MACF1: variants seen among roughly 807,000 people sequenced by gnomAD.
The protein encoded by MACF1 is microtubule-actin cross-linking factor 1.
In MACF1, 193 loss-of-function variants were observed where a neutral mutation model predicts 854.8. The ratio of observed to expected loss-of-function variants is 0.23; its 90% CI spans 0.20 to 0.25. MACF1 has a LOEUF of 0.25. MACF1 is among the 10% of genes least tolerant of loss of function. The pLI is 1.00. For missense variants in MACF1, 7,722 were observed against 8,929.1 expected (o/e 0.86, Z 5.45); for synonymous variants, 3,185 against 3,226.7 (o/e 0.99, Z 0.44).
intron 2 of MACF1, among the ~76,000 whole-genome samples, chr1:39,090,811 C>T (rs1261527376): frequency 6.6e-6 from 1 of 152,140 alleles, no homozygotes; most frequent in Non-Finnish European, 1.5e-5. Flanking sequence ...TAGGGCTGCA[C>T]TTGTTCTTTA....
intron 94 of MACF1, chr1:39,464,720 C>T (rs1352201293): frequency 4.7e-6 from 1 of 211,114 alleles, no homozygotes; most frequent in African/African-American, 2.4e-5. Context: ...TCGAGACCAA[C>T]CTGGCCAACA....
At chr1:39,385,318 T>C in intron 56 of MACF1, 116 bp from the exon 57 acceptor site, 1 of 1,129,622 alleles carries the variant, frequency 8.9e-7, no homozygotes, top group Non-Finnish European at 1.3e-6. Flanking sequence ...TCCTCCCACC[T>C]CGGCCTCCCA....
chr1:39,175,585 A>T (rs560893685), intron 2 of MACF1, among the ~76,000 whole-genome samples: 47 of 152,170 alleles, frequency 3.1e-4, no homozygotes, highest in Admixed American at 5.2e-4. Flanking sequence ...TTGCATAGTT[A>T]AATGCAAGTA....
At chr1:39,476,660 A>G (rs1015606688) in intron 97 of MACF1, among the ~76,000 whole-genome samples, 11 of 152,344 alleles carry the variant, frequency 7.2e-5, no homozygotes, top group South Asian at 2.1e-4. Context: ...CATTGGCTAC[A>G]ATGTTTAAAA....
chr1:39,232,756 T>G (rs113044553), intron 2 of MACF1, among the ~76,000 whole-genome samples: 16 of 141,222 alleles, frequency 1.1e-4, no homozygotes, highest in South Asian at 4.4e-4. Flanking sequence ...GTTTTTTTTT[T>G]TTTTTTTTTT....
intron 2 of MACF1, among the ~76,000 whole-genome samples, chr1:39,121,728 G>A (rs1473959983): frequency 2.0e-5 from 3 of 152,200 alleles, no homozygotes; most frequent in Admixed American, 1.3e-4. Context: ...GATTATAGGC[G>A]TGAGCCACCG....
chr1:39,427,818 T>A, intron 62 of MACF1, 143 bp from the exon 63 acceptor site: 1 of 915,110 alleles, frequency 1.1e-6, no homozygotes, highest in African/African-American at 1.7e-5. Flanking sequence ...CAGCTTTTGT[T>A]CCCAATTTTT....
chr1:39,198,715 C>G (rs375905965), intron 2 of MACF1, among the ~76,000 whole-genome samples: 1 of 150,830 alleles, frequency 6.6e-6, no homozygotes, highest in Admixed American at 6.6e-5. Flanking sequence ...GTCACAGCTA[C>G]TGGGGAGGCT....
intron 38 of MACF1, among the ~76,000 whole-genome samples, chr1:39,340,082 C>T (rs1378370578): frequency 6.6e-6 from 1 of 152,148 alleles, no homozygotes; most frequent in Admixed American, 6.5e-5. Flanking sequence ...GTGGAAGAGT[C>T]ATCCGTTCGG....
intron 2 of MACF1, among the ~76,000 whole-genome samples, chr1:39,150,083 G>A (rs1360527508): frequency 2.0e-5 from 3 of 151,830 alleles, no homozygotes; most frequent in African/African-American, 7.3e-5. Flanking sequence ...AAGTGCAGTG[G>A]TGCAGTCTCG....
intron 40 of MACF1, among the ~76,000 whole-genome samples, chr1:39,344,796 G>A (rs1647010195): frequency 6.6e-6 from 1 of 152,126 alleles, no homozygotes; most frequent in African/African-American, 2.4e-5. Flanking sequence ...GAGCCCACTC[G>A]CCCAGCTCCT....
intron 49 of MACF1, 74 bp downstream of exon 49, chr1:39,361,751 G>A (rs373208465): frequency 9.9e-6 from 14 of 1,413,628 alleles, no homozygotes; most frequent in African/African-American, 5.7e-5. Context: ...TTTGCTGAGC[G>A]CATACTACAT....
At chr1:39,339,347 C>T (rs79748141) in intron 38 of MACF1, among the ~76,000 whole-genome samples, 2,021 of 152,254 alleles carry the variant, frequency 0.013, 48 homozygotes, top group African/African-American at 0.044. Flanking sequence ...AAAAGTCTAA[C>T]TGGAGATCTC....
chr1:39,297,134 G>A (rs960577759), intron 20 of MACF1, among the ~76,000 whole-genome samples: 3 of 152,076 alleles, frequency 2.0e-5, no homozygotes, highest in Non-Finnish European at 4.4e-5. Context: ...CACCATGTTA[G>A]CCAAGAAGGT....
intron 1 of MACF1, among the ~76,000 whole-genome samples, chr1:39,214,533 C>G (rs1390904766): frequency 6.6e-6 from 1 of 152,154 alleles, no homozygotes; most frequent in African/African-American, 2.4e-5. Flanking sequence ...CCATTCCTGG[C>G]TGTGAGGGGA....
chr1:39,350,962 G>A lies in MACF1; in HGVS notation c.11143G>A (p.Ala3715Thr). Residue 3715 changes from alanine to threonine, a missense_variant, in exon 43 of 101, where the codon GCC (alanine) becomes ACC (threonine). Physicochemically the swap from Ala to Thr is moderately conservative, Grantham distance 58. Around this residue, in one of 15 missense-constraint regions of MACF1, gnomAD observed 2,807 missense variants for 3,235.8 expected, o/e 0.87. Transcript: ENST00000564288. ...YEALQEETRV[A>T]QKELEEAVTS... ...GGCGCTCCAGGAAGAGACACGTGTGGCCCAGAAGGAACTGGAGGAAGCAGT... is the reference window on the plus strand; with the variant it reads ...GGCGCTCCAGGAAGAGACACGTGTGACCCAGAAGGAACTGGAGGAAGCAGT... 3 of 1,614,134 alleles carry A rather than the reference G, an allele frequency of 1.9e-6. No individual in the cohort carries two copies. Among genetic ancestry groups the A allele is most frequent in the African/African-American group, 1.3e-5 (1 of 75,048 alleles).
chr1:39,406,147 G>A lies in MACF1; in HGVS notation c.15817-16227G>A, dbSNP rs533854030. Among the ~76,000 whole-genome samples the A allele has an allele frequency of 7.9e-5, 12 of 152,078 alleles. 1 individual carries two copies. In the South Asian group the frequency reaches 1.0e-3, roughly 13 times the overall value. On this transcript the variant is annotated intron_variant, in intron 58 of 100. Transcript: ENST00000564288. The stretch of plus-strand genomic sequence containing the variant: ...GGTTCTGGGGTTTTTTTGGAGGTGC[G>A]GTGGGAGGATTAGATTACTATATGT...
chr1:39,170,393 T>C (rs1643932420), intron 2 of MACF1, among the ~76,000 whole-genome samples: 1 of 152,236 alleles, frequency 6.6e-6, no homozygotes, highest in South Asian at 2.1e-4. Context: ...CACTCTTTCA[T>C]TCGACAAATG....
chr1:39,105,325 GCCGCCGCCGC>G lies in MACF1; in HGVS notation c.220+20895_220+20904del. 3 of 860,230 alleles carry G rather than the reference GCCGCCGCCGC, an allele frequency of 3.5e-6. No homozygotes were observed. Among genetic ancestry groups the G allele is most frequent in the Non-Finnish European group, 4.2e-6 (3 of 716,352 alleles). 53.3% of individuals were successfully genotyped at this position (860,230 alleles called of 1,614,324 possible). On this transcript the variant is annotated intron_variant, in intron 2 of 93. Transcript: ENST00000361689. This position sits in a 1 kb window ranked among gnomAD's most constrained non-coding sequence, Gnocchi z 5.9. ...CCTGGCGCTCCTGACAGGAGGAGCC[GCCGCCGCCGC>G]CCGCCGCTGCAGCCGCGCCGGGGCG...
Sources: allele counts gnomAD v4.1 joint callset (sites outside exome capture counted in the v4.1 genomes callset), GRCh38; gene constraint gnomAD v4.1.1; regional missense constraint gnomAD v4.1.1; non-coding constraint Gnocchi (gnomAD v3.1); transcripts MANE v1.5; gene names NCBI Gene and HGNC (gene_info 2026-07-23, HGNC 2026-07-21).